The following SORCS1 variants were observed in gnomAD, a reference collection of about 807,000 sequenced individuals.
The protein encoded by SORCS1 is sortilin related VPS10 domain containing receptor 1, also known as VPS10 domain-containing receptor SorCS1.
SORCS1 carries 60 observed loss-of-function variants against 146.1 expected under a neutral mutation model. That is an observed-to-expected ratio of 0.41 (90% confidence interval 0.33 to 0.51). The LOEUF is 0.51. SORCS1 is among the 20% of genes least tolerant of loss of function. The probability of loss-of-function intolerance (pLI) is 0.21; values close to 1 mark genes in which losing one functional copy is unlikely to be tolerated. For missense variants in SORCS1, 1,352 were observed against 1,487.6 expected (o/e 0.91, Z 1.50); for synonymous variants, 637 against 584.0 (o/e 1.09, Z -1.31).
intron 5 of SORCS1, among the ~76,000 whole-genome samples, chr10:106,753,173 C>A (rs1275059879): frequency 6.6e-6 from 1 of 151,382 alleles, no homozygotes; most frequent in African/African-American, 2.4e-5. Flanking sequence ...TTTTTTGTAA[C>A]CTTTTTAGAC....
At chr10:107,029,363 A>G (rs1958548871) in intron 1 of SORCS1, among the ~76,000 whole-genome samples, 1 of 152,224 alleles carries the variant, frequency 6.6e-6, no homozygotes, top group Admixed American at 6.5e-5. Flanking sequence ...ATTCGTCAAA[A>G]GAATTCCCAC....
chr10:106,956,371 T>C lies in SORCS1; in HGVS notation c.626+142A>G, dbSNP rs1019917004. On this transcript the variant is annotated intron_variant, in intron 2 of 25. Coordinates refer to ENST00000263054, the MANE Select transcript of SORCS1 (RefSeq NM_052918.5). ...CTGGAGATAAAGCCCAGCGCATCAC[T>C]AAAGGAAACAGAGAAGAAAGAGAGA... is the stretch of plus-strand genomic sequence containing the variant. 1.6e-5 allele frequency: 11 copies of C among 704,172 alleles called. No individual in the cohort carries two copies. In the African/African-American group the frequency reaches 2.0e-4, roughly 13 times the overall value. 43.6% of individuals were successfully genotyped at this position (704,172 alleles called of 1,614,324 possible). A position where few individuals can be genotyped will look rare whatever the true frequency, so the allele number is the denominator to read the frequency against.
chr10:107,022,021 G>A (rs1342402903), intron 1 of SORCS1, among the ~76,000 whole-genome samples: 2 of 152,148 alleles, frequency 1.3e-5, no homozygotes, highest in East Asian at 3.9e-4. Flanking sequence ...CTCCAATATT[G>A]AGCAATTAAC....
intron 1 of SORCS1, among the ~76,000 whole-genome samples, chr10:107,135,744 T>A (rs1332179728): frequency 6.6e-6 from 1 of 152,200 alleles, no homozygotes; most frequent in Non-Finnish European, 1.5e-5. Context: ...AAACGACATA[T>A]ATTAAATACC....
At chr10:106,934,405 C>T (rs1953589969) in intron 2 of SORCS1, among the ~76,000 whole-genome samples, 1 of 151,704 alleles carries the variant, frequency 6.6e-6, no homozygotes, top group Admixed American at 6.6e-5. Context: ...CTACAGGCGC[C>T]ACCACCACAC....
chr10:106,995,129 G>A (rs11193155), intron 1 of SORCS1, among the ~76,000 whole-genome samples: 22,509 of 151,808 alleles, frequency 0.15, 5,419 homozygotes, highest in African/African-American at 0.51. Context: ...TGGCTAACAT[G>A]GTGAAACCCC....
intron 2 of SORCS1, among the ~76,000 whole-genome samples, chr10:106,868,093 A>C (rs1950283566): frequency 6.6e-6 from 1 of 152,240 alleles, no homozygotes; most frequent in African/African-American, 2.4e-5. Context: ...AAAGATCAAA[A>C]AAGACAAAGA....
At chr10:106,742,202 T>C (rs1465446393) in intron 5 of SORCS1, among the ~76,000 whole-genome samples, 1 of 152,116 alleles carries the variant, frequency 6.6e-6, no homozygotes, top group Non-Finnish European at 1.5e-5. Context: ...TTAGCAGAGG[T>C]TGAGTATCCC....
intron 2 of SORCS1, among the ~76,000 whole-genome samples, chr10:106,889,559 C>G (rs1278935760): frequency 6.6e-6 from 1 of 151,866 alleles, no homozygotes; most frequent in Non-Finnish European, 1.5e-5. Flanking sequence ...GTCAGGAGAT[C>G]AAGAGCAACC....
rs374152077 is a variant in SORCS1, at chr10:106,942,555, C to T, written c.626+13958G>A. ...TCTCCTGTCTTCTCAGTGACTCTTC[C>T]AAAATGTCAAGTCCCATCTCACGTC... On this transcript the variant is annotated intron_variant, in intron 2 of 25. Coordinates refer to ENST00000263054, the MANE Select transcript of SORCS1 (RefSeq NM_052918.5). Among the ~76,000 whole-genome samples, 146 of 152,288 alleles carry T rather than the reference C, an allele frequency of 9.6e-4. 1 individual carries two copies. Among genetic ancestry groups the T allele is most frequent in the African/African-American group, 3.1e-3 (128 of 41,554 alleles).
intron 2 of SORCS1, among the ~76,000 whole-genome samples, chr10:106,841,211 T>G (rs1949024222): frequency 6.6e-6 from 1 of 152,166 alleles, no homozygotes. Context: ...GGCTCACGCC[T>G]GTAATGCCAG....
At chr10:106,786,349 C>T (rs1335969908) in intron 3 of SORCS1, among the ~76,000 whole-genome samples, 3 of 152,160 alleles carry the variant, frequency 2.0e-5, no homozygotes, top group Non-Finnish European at 4.4e-5. Context: ...CTCCTTCATT[C>T]CTGTATCTGG....
chr10:106,987,872 A>G (rs1956552729), intron 1 of SORCS1, among the ~76,000 whole-genome samples: 1 of 152,116 alleles, frequency 6.6e-6, no homozygotes, highest in Non-Finnish European at 1.5e-5. Context: ...TATATTACAA[A>G]ATCACTTGTT....
intron 24 of SORCS1, among the ~76,000 whole-genome samples, chr10:106,586,009 A>C (rs117597469): frequency 0.015 from 2,261 of 152,352 alleles, 35 homozygotes; most frequent in Middle Eastern, 0.027. Context: ...CTAGACGCAT[A>C]AGCAAAAATA....
At chr10:106,955,825 T>C (rs112840895) in intron 2 of SORCS1, among the ~76,000 whole-genome samples, 2,457 of 152,140 alleles carry the variant, frequency 0.016, 91 homozygotes, top group African/African-American at 0.055. Flanking sequence ...ACCACGTCTC[T>C]ACCAAATATA....
chr10:106,588,951 C>A (rs1845424187), intron 24 of SORCS1, among the ~76,000 whole-genome samples: 1 of 148,786 alleles, frequency 6.7e-6, no homozygotes, highest in East Asian at 2.0e-4. Flanking sequence ...CTTAGAAAAT[C>A]TCTATCTTTA....
At chr10:106,752,323 G>C (rs920978142) in intron 5 of SORCS1, among the ~76,000 whole-genome samples, 2 of 152,138 alleles carry the variant, frequency 1.3e-5, no homozygotes, top group African/African-American at 4.8e-5. Context: ...GTGGGCTTTC[G>C]TATACGGCCA....
intron 1 of SORCS1, among the ~76,000 whole-genome samples, chr10:107,098,106 A>G (rs1462995594): frequency 6.6e-6 from 1 of 152,258 alleles, no homozygotes; most frequent in Non-Finnish European, 1.5e-5. Flanking sequence ...GGTAAGCTGC[A>G]AAGTGGCCAA....
intron 6 of SORCS1, among the ~76,000 whole-genome samples, chr10:106,709,597 C>G (rs763622886): frequency 2.0e-5 from 3 of 151,964 alleles, no homozygotes; most frequent in Admixed American, 6.6e-5. Flanking sequence ...TACAGGCATC[C>G]ACCACAATGC....
Sources: gnomAD v4.1 joint callset for allele counts (sites outside exome capture counted in the v4.1 genomes callset) on GRCh38, gnomAD v4.1.1 for gene constraint, MANE v1.5 for transcripts, NCBI Gene and HGNC (gene_info 2026-07-23, HGNC 2026-07-21) for gene names.